Variants in RSU1 observed in about 807,000 individuals in gnomAD.
The protein encoded by RSU1 is Ras suppressor protein 1.
RSU1 carries 26 observed loss-of-function variants against 31.1 expected under a neutral mutation model. The ratio of observed to expected loss-of-function variants is 0.84; its 90% confidence interval spans 0.61 to 1.16. RSU1 has a LOEUF of 1.16. Among genes scored for constraint, RSU1 ranks in the 50% most tolerant of loss-of-function variants. The pLI, the probability that RSU1 is intolerant of heterozygous loss-of-function variation, is 0.00. For synonymous variants in RSU1, 164 were observed against 136.3 expected, an observed-to-expected ratio of 1.20 and a Z score of -1.41; for missense variants, 320 against 339.1, an observed-to-expected ratio of 0.94 and a Z score of 0.44.
rs1554774678 is a variant in RSU1 at position 16,785,469 on chromosome 10, T to TAC, written c.110-3387_110-3386dup. ...ATATATACATATATACATATATATA[T>TAC]ACACATATATACATATATACATATA... On this transcript the variant is annotated intron_variant, in intron 2 of 8. Coordinates refer to ENST00000345264, the MANE Select transcript of RSU1 (RefSeq NM_012425.4). 3.0e-4 allele frequency among the ~76,000 whole-genome samples: 39 copies of TAC among 130,686 alleles called. 2 individuals are homozygous for TAC. Among genetic ancestry groups the TAC allele is most frequent in the African/African-American group, 1.1e-3 (32 of 29,428 alleles). 85.7% of individuals were successfully genotyped at this position (130,686 alleles called of 152,430 possible).
At chr10:16,657,959 C>A (rs1490063361) in intron 8 of RSU1, among the ~76,000 whole-genome samples, 1 of 151,944 alleles carries the variant, frequency 6.6e-6, no homozygotes, top group Admixed American at 6.6e-5. Flanking sequence ...GACTGCACTC[C>A]AGCCTGGGGA....
In RSU1 at chr10:16,592,125, C is replaced by T. The variant is rs1049707045; in HGVS notation, c.*1269G>A. ...GGTCTTGGGAGCTCAACTGGGAAGCCGAAAGGATACAGCAGAGATTTTATA... is the reference window on the plus strand; with the variant it reads ...GGTCTTGGGAGCTCAACTGGGAAGCTGAAAGGATACAGCAGAGATTTTATA... On this transcript the variant is annotated 3_prime_UTR_variant, in exon 9 of 9. Coordinates refer to ENST00000345264, the MANE Select transcript of RSU1 (RefSeq NM_012425.4). 2.7e-5 allele frequency: 4 copies of T among 149,656 alleles called. No homozygotes were observed. Among genetic ancestry groups the T allele is most frequent in the Non-Finnish European group, 5.9e-5 (4 of 67,938 alleles). 9.3% of individuals were successfully genotyped at this position (149,656 alleles called of 1,614,324 possible).
chr10:16,727,385 C>T, intron 7 of RSU1, among the ~76,000 whole-genome samples: 1 of 152,150 alleles, frequency 6.6e-6, no homozygotes, highest in East Asian at 1.9e-4. Flanking sequence ...TTCACGACCA[C>T]AGTGAAGGCC....
chr10:16,791,623 G>A (rs749606944), intron 2 of RSU1, among the ~76,000 whole-genome samples: 63 of 136,862 alleles, frequency 4.6e-4, no homozygotes, highest in African/African-American at 1.5e-3. Context: ...GCGAGACTCC[G>A]TCTCAAAAAA....
intron 8 of RSU1, among the ~76,000 whole-genome samples, chr10:16,654,406 A>G (rs1461725559): frequency 6.8e-6 from 1 of 147,602 alleles, no homozygotes; most frequent in Non-Finnish European, 1.5e-5. Flanking sequence ...GTGGTGGCTC[A>G]TGCTTGTAAT....
At chr10:16,620,990 CA>C (rs1478764462) in intron 8 of RSU1, among the ~76,000 whole-genome samples, 1 of 152,118 alleles carries the variant, frequency 6.6e-6, no homozygotes, top group Non-Finnish European at 1.5e-5. Flanking sequence ...AATTCCCTTG[CA>C]GTGTTTTTTC....
chr10:16,665,395 G>C (rs1165180287), intron 8 of RSU1, among the ~76,000 whole-genome samples: 2 of 152,178 alleles, frequency 1.3e-5, no homozygotes, highest in Non-Finnish European at 2.9e-5. Context: ...CTCAGGATTT[G>C]AACTAAAGGA....
chr10:16,781,080 A>G (rs1345130656), intron 3 of RSU1, among the ~76,000 whole-genome samples: 3 of 152,214 alleles, frequency 2.0e-5, no homozygotes, highest in African/African-American at 4.8e-5. Flanking sequence ...ATCCCTCAAC[A>G]TGACATTCTG....
At chr10:16,644,461 C>G (rs1472027202) in intron 8 of RSU1, among the ~76,000 whole-genome samples, 1 of 152,206 alleles carries the variant, frequency 6.6e-6, no homozygotes, top group Non-Finnish European at 1.5e-5. Context: ...TCTGCACTAT[C>G]TTATTATTCT....
intron 8 of RSU1, among the ~76,000 whole-genome samples, chr10:16,672,345 C>A (rs1477886392): frequency 6.6e-6 from 1 of 152,054 alleles, no homozygotes; most frequent in African/African-American, 2.4e-5. Context: ...CCATATGACC[C>A]ACGCATTCCA....
At chr10:16,685,375 G>A (rs1467376942) in intron 8 of RSU1, among the ~76,000 whole-genome samples, 3 of 152,218 alleles carry the variant, frequency 2.0e-5, no homozygotes, top group East Asian at 3.8e-4. Context: ...AGTCCACAGA[G>A]TAAAGTTAAA....
chr10:16,792,781 G>A (rs1236460406), intron 2 of RSU1, among the ~76,000 whole-genome samples: 1 of 152,208 alleles, frequency 6.6e-6, no homozygotes, highest in Non-Finnish European at 1.5e-5. Flanking sequence ...ACAGCACGGT[G>A]TAAATGGCTT....
At chr10:16,712,669 C>A (rs1452693147) in intron 7 of RSU1, among the ~76,000 whole-genome samples, 1 of 152,050 alleles carries the variant, frequency 6.6e-6, no homozygotes, top group Non-Finnish European at 1.5e-5. Context: ...ATATTTGTAG[C>A]CACTAAGTGT....
chr10:16,702,370 C>A (rs1835809444), intron 7 of RSU1, among the ~76,000 whole-genome samples: 1 of 152,224 alleles, frequency 6.6e-6, no homozygotes, highest in Admixed American at 6.5e-5. Flanking sequence ...GGTAGATCCA[C>A]TGACAGGCTG....
intron 8 of RSU1, among the ~76,000 whole-genome samples, chr10:16,676,660 A>C (rs558872087): frequency 1.3e-5 from 2 of 152,348 alleles, no homozygotes; most frequent in African/African-American, 2.4e-5. Flanking sequence ...CTGAAAATCC[A>C]AAATGTTCCA....
At chr10:16,643,475 C>T (rs1036009885) in intron 8 of RSU1, among the ~76,000 whole-genome samples, 8 of 152,086 alleles carry the variant, frequency 5.3e-5, no homozygotes, top group African/African-American at 1.7e-4. Context: ...ATATTACATA[C>T]AAAATTAGGT....
At chr10:16,668,560 GAAC>G (rs1835043204) in intron 8 of RSU1, among the ~76,000 whole-genome samples, 1 of 152,134 alleles carries the variant, frequency 6.6e-6, no homozygotes, top group South Asian at 2.1e-4. Context: ...TATAAAATTT[GAAC>G]ATCATAAAAC....
intron 7 of RSU1, among the ~76,000 whole-genome samples, chr10:16,714,866 T>C (rs1836105054): frequency 2.0e-5 from 3 of 152,130 alleles, no homozygotes; most frequent in African/African-American, 4.8e-5. Flanking sequence ...CACTGAGGCA[T>C]TGCATCTGTG....
intron 8 of RSU1, among the ~76,000 whole-genome samples, chr10:16,634,220 C>T (rs1429658634): frequency 1.3e-5 from 2 of 152,164 alleles, no homozygotes; most frequent in East Asian, 3.9e-4. Flanking sequence ...CTGGGGCTAC[C>T]GACTCTGTCT....
Sources: gnomAD v4.1 joint callset for allele counts (sites outside exome capture counted in the v4.1 genomes callset) on GRCh38, gnomAD v4.1.1 for gene constraint, MANE v1.5 for transcripts, NCBI Gene and HGNC (gene_info 2026-07-23, HGNC 2026-07-21) for gene names.